Variants in TENM3 observed in about 807,000 individuals in gnomAD.
The protein encoded by TENM3 is teneurin-3.
Under a neutral mutation model 255.1 loss-of-function variants are expected in TENM3, and 63 were observed. The observed-to-expected ratio is 0.25, with a 90% CI of 0.20 to 0.30. TENM3 has a LOEUF of 0.30. Ranked by LOEUF, TENM3 falls within the 10% of genes least tolerant of loss-of-function variation. The probability of loss-of-function intolerance (pLI) is 1.00; values close to 1 mark genes in which losing one functional copy is unlikely to be tolerated. For missense variants in TENM3, 2,929 were observed against 3,461.1 expected (o/e 0.85, Z 3.86); for synonymous variants, 1,306 against 1,322.3 (o/e 0.99, Z 0.27).
intron 22 of TENM3, among the ~76,000 whole-genome samples, chr4:182,768,025 C>T (rs113643478): frequency 0.04 from 6,151 of 152,234 alleles, 388 homozygotes; most frequent in African/African-American, 0.14. Context: ...TACGTAACGA[C>T]ATATGCTGGT....
At chr4:181,562,738 G>A in the TENM3 span, among the ~76,000 whole-genome samples, 2 of 150,842 alleles carry the variant, frequency 1.3e-5, no homozygotes, top group Non-Finnish European at 2.9e-5. Flanking sequence ...GCAGTGCCGC[G>A]ATCTCAGCTC....
At chr4:182,430,214 G>A (rs1771517191) in intron 3 of TENM3, among the ~76,000 whole-genome samples, 1 of 152,168 alleles carries the variant, frequency 6.6e-6, no homozygotes, top group South Asian at 2.1e-4. Flanking sequence ...TCTGCAAAGA[G>A]GCAAGGTATA....
At chr4:182,675,457 C>T (rs1755592243) in intron 7 of TENM3, among the ~76,000 whole-genome samples, 1 of 151,712 alleles carries the variant, frequency 6.6e-6, no homozygotes, top group South Asian at 2.1e-4. Context: ...AGGAGAATTG[C>T]TTGAACCCTG....
intron 3 of TENM3, among the ~76,000 whole-genome samples, chr4:182,600,560 G>A (rs1747726572): frequency 6.6e-6 from 1 of 151,972 alleles, no homozygotes; most frequent in African/African-American, 2.4e-5. Context: ...TAATTTCAGG[G>A]TTGGTTTGTT....
At chr4:181,701,435 A>G in the TENM3 span, among the ~76,000 whole-genome samples, 38 of 152,348 alleles carry the variant, frequency 2.5e-4, no homozygotes, top group Middle Eastern at 6.8e-3. Flanking sequence ...ATGAGCTCAC[A>G]CTCATAAAGC....
intron 3 of TENM3, among the ~76,000 whole-genome samples, chr4:182,468,636 A>G (rs1219889131): frequency 6.6e-6 from 1 of 152,196 alleles, no homozygotes; most frequent in Admixed American, 6.5e-5. Context: ...GATGATGAAA[A>G]TAAAACATTC....
the TENM3 span, among the ~76,000 whole-genome samples, chr4:182,087,316 C>A: frequency 1.3e-5 from 2 of 152,102 alleles, no homozygotes; most frequent in Admixed American, 1.3e-4. Context: ...TTAGTGTGGG[C>A]CAATAGATGG....
chr4:182,555,057 G>A (rs1580921317), intron 3 of TENM3, among the ~76,000 whole-genome samples: 3 of 152,072 alleles, frequency 2.0e-5, no homozygotes, highest in Non-Finnish European at 4.4e-5. Context: ...ATCAGTGAAC[G>A]TGGTTCCTTA....
the TENM3 span, among the ~76,000 whole-genome samples, chr4:182,030,877 T>A: frequency 6.6e-6 from 1 of 152,244 alleles, no homozygotes; most frequent in Non-Finnish European, 1.5e-5. Flanking sequence ...TCTGTTCATG[T>A]CCTTCGCCCA....
chr4:181,676,937 A>G, the TENM3 span, among the ~76,000 whole-genome samples: 128 of 151,798 alleles, frequency 8.4e-4, 1 homozygote, highest in Non-Finnish European at 1.4e-3. Context: ...TTTCTTCCTT[A>G]AACACTTTTT....
the TENM3 span, among the ~76,000 whole-genome samples, chr4:181,785,804 TCACACACACATACACACACACACA>T: frequency 7.2e-6 from 1 of 139,472 alleles, no homozygotes; most frequent in Non-Finnish European, 1.6e-5. Context: ...TTCTGTCTTG[TCACACACACATACACACACACACA>T]CACACACACA....
At chr4:181,808,217 A>C in the TENM3 span, among the ~76,000 whole-genome samples, 1,356 of 152,312 alleles carry the variant, frequency 8.9e-3, 21 homozygotes, top group African/African-American at 0.031. Context: ...CCTACATTGC[A>C]GCGAGGTACC....
intron 1 of TENM3, among the ~76,000 whole-genome samples, chr4:182,153,004 T>C (rs1346143443): frequency 6.6e-6 from 1 of 151,880 alleles, no homozygotes; most frequent in Non-Finnish European, 1.5e-5. Context: ...AAGATGCATA[T>C]AAAGAAACCT....
At chr4:181,591,505 T>A in the TENM3 span, among the ~76,000 whole-genome samples, 3 of 152,176 alleles carry the variant, frequency 2.0e-5, no homozygotes, top group African/African-American at 7.2e-5. Flanking sequence ...GATAAACAAA[T>A]TGTGTTGTTC....
chr4:182,484,810 T>C (rs55997045), intron 3 of TENM3, among the ~76,000 whole-genome samples: 4 of 152,170 alleles, frequency 2.6e-5, no homozygotes, highest in Non-Finnish European at 5.9e-5. Flanking sequence ...TCTGAATTAA[T>C]TTATTTATGG....
intron 22 of TENM3, among the ~76,000 whole-genome samples, chr4:182,762,621 C>G (rs1055297872): frequency 7.2e-5 from 11 of 152,298 alleles, no homozygotes; most frequent in Non-Finnish European, 1.2e-4. Context: ...TCCTGGATCC[C>G]GTAACTCCTC....
intron 3 of TENM3, among the ~76,000 whole-genome samples, chr4:182,421,202 T>C (rs571937670): frequency 6.6e-6 from 1 of 152,268 alleles, no homozygotes; most frequent in African/African-American, 2.4e-5. Flanking sequence ...CTCTTCATCT[T>C]CATCTTCACC....
chr4:181,873,929 C>G, the TENM3 span, among the ~76,000 whole-genome samples: 1 of 152,096 alleles, frequency 6.6e-6, no homozygotes, highest in Non-Finnish European at 1.5e-5. Context: ...GGATTACAGG[C>G]GTGCACCACC....
intron 3 of TENM3, among the ~76,000 whole-genome samples, chr4:182,544,261 A>T (rs891835427): frequency 6.6e-6 from 1 of 151,292 alleles, no homozygotes; most frequent in South Asian, 2.1e-4. Flanking sequence ...TTGCCTTTCA[A>T]GTTCCAGCTC....
Sources: allele counts gnomAD v4.1 joint callset (sites outside exome capture counted in the v4.1 genomes callset), GRCh38; gene constraint gnomAD v4.1.1; transcripts MANE v1.5; gene names NCBI Gene and HGNC (gene_info 2026-07-23, HGNC 2026-07-21).